TUSC3: variants seen among roughly 807,000 people sequenced by gnomAD.
The protein encoded by TUSC3 is tumor suppressor candidate 3.
Under a neutral mutation model 44.8 loss-of-function variants are expected in TUSC3, and 45 were observed. That is an observed-to-expected ratio of 1.00 (90% CI 0.79 to 1.29). TUSC3 has a LOEUF of 1.29. TUSC3 is among the 50% of genes most tolerant of loss of function. The pLI is 0.00. For synonymous variants in TUSC3, 212 were observed against 152.9 expected, an observed-to-expected ratio of 1.39 and a Z score of -2.85; for missense variants, 519 against 437.9, an observed-to-expected ratio of 1.19 and a Z score of -1.65.
chr8:15,655,854 TC>T (rs1199123761), intron 3 of TUSC3, among the ~76,000 whole-genome samples: 1 of 152,114 alleles, frequency 6.6e-6, no homozygotes, highest in Non-Finnish European at 1.5e-5. Flanking sequence ...CCTTCCTTCT[TC>T]CCCAAACCAC....
At chr8:15,722,214 A>G (rs1243064432) in intron 6 of TUSC3, among the ~76,000 whole-genome samples, 1 of 150,080 alleles carries the variant, frequency 6.7e-6, no homozygotes, top group Non-Finnish European at 1.5e-5. Context: ...TAGTCTGCTT[A>G]GGGTTTCCTT....
the TUSC3 span, among the ~76,000 whole-genome samples, chr8:15,808,515 C>T: frequency 1.5e-4 from 23 of 152,152 alleles, no homozygotes; most frequent in East Asian, 1.5e-3. Context: ...ATTCTGCTTC[C>T]AGCCTTTTAA....
chr8:15,702,526 T>G (rs963637479), intron 6 of TUSC3, among the ~76,000 whole-genome samples: 2 of 152,102 alleles, frequency 1.3e-5, no homozygotes, highest in African/African-American at 4.8e-5. Context: ...AGGTGGGTGT[T>G]CACACTGTAC....
At chr8:15,558,310 T>C (rs1802336500) in intron 1 of TUSC3, among the ~76,000 whole-genome samples, 1 of 46,312 alleles carries the variant, frequency 2.2e-5, no homozygotes, top group African/African-American at 4.8e-5. Context: ...ATTACATTTA[T>C]TGATTTGCGT....
chr8:15,729,340 A>C (rs1375191769), intron 6 of TUSC3, among the ~76,000 whole-genome samples: 1 of 152,174 alleles, frequency 6.6e-6, no homozygotes, highest in African/African-American at 2.4e-5. Flanking sequence ...ATACCTATAC[A>C]AACAGTCCTA....
chr8:15,632,355 G>A (rs562765334), intron 2 of TUSC3, among the ~76,000 whole-genome samples: 23 of 152,230 alleles, frequency 1.5e-4, no homozygotes, highest in Non-Finnish European at 3.2e-4. Context: ...ATATTCAAGG[G>A]AAGAGTACTA....
chr8:15,448,077 C>A (rs1299664424), intron 1 of TUSC3, among the ~76,000 whole-genome samples: 7 of 61,588 alleles, frequency 1.1e-4, no homozygotes, highest in Non-Finnish European at 2.3e-4. Context: ...CCTGTCAGGG[C>A]AGAAAATTCA....
At chr8:15,442,561 G>A (rs868782945) in intron 1 of TUSC3, among the ~76,000 whole-genome samples, 13 of 152,030 alleles carry the variant, frequency 8.6e-5, no homozygotes, top group African/African-American at 2.9e-4. Flanking sequence ...TGGTACAGGA[G>A]GAACATGCAC....
At chr8:15,787,691 C>CA in the TUSC3 span, among the ~76,000 whole-genome samples, 1 of 152,138 alleles carries the variant, frequency 6.6e-6, no homozygotes, top group Admixed American at 6.5e-5. Context: ...TAATATGCAA[C>CA]AAAAATCAAT....
intron 1 of TUSC3, among the ~76,000 whole-genome samples, chr8:15,616,828 C>T (rs1004930436): frequency 2.6e-5 from 4 of 152,022 alleles, no homozygotes; most frequent in East Asian, 3.9e-4. Flanking sequence ...ATCCAGATGT[C>T]GATTTCCAAG....
chr8:15,725,622 T>TGATGATGATGAC (rs1810468488), intron 6 of TUSC3, among the ~76,000 whole-genome samples: 2 of 152,206 alleles, frequency 1.3e-5, no homozygotes, highest in Admixed American at 6.5e-5. Context: ...ATGATGATGA[T>TGATGATGATGAC]GATGACGGTA....
chr8:15,466,502 CT>C (rs1238680280), intron 1 of TUSC3, among the ~76,000 whole-genome samples: 1 of 152,046 alleles, frequency 6.6e-6, no homozygotes, highest in Non-Finnish European at 1.5e-5. Context: ...TAGTTCTTAG[CT>C]TATTTTTAAA....
chr8:15,451,357 A>C (rs1015076083), intron 1 of TUSC3, among the ~76,000 whole-genome samples: 15 of 152,110 alleles, frequency 9.9e-5, no homozygotes, highest in African/African-American at 3.1e-4. Context: ...TCAACCAAGC[A>C]ATTAGAGAGT....
At chr8:15,494,918 C>T (rs1168604245) in intron 2 of TUSC3, among the ~76,000 whole-genome samples, 4 of 144,562 alleles carry the variant, frequency 2.8e-5, no homozygotes, top group African/African-American at 4.9e-5. Flanking sequence ...CTACCTGGGG[C>T]CATTTTTAAA....
chr8:15,477,752 A>G (rs1211420944), intron 1 of TUSC3, among the ~76,000 whole-genome samples: 1 of 152,040 alleles, frequency 6.6e-6, no homozygotes, highest in East Asian at 1.9e-4. Flanking sequence ...ATAGTGAGAA[A>G]TATATTTGTG....
intron 1 of TUSC3, among the ~76,000 whole-genome samples, chr8:15,564,881 A>C (rs1293853254): frequency 6.6e-6 from 1 of 152,042 alleles, no homozygotes; most frequent in East Asian, 1.9e-4. Flanking sequence ...TGTGTCCCTG[A>C]GATTTGGAAG....
intron 1 of TUSC3, among the ~76,000 whole-genome samples, chr8:15,579,116 A>G (rs1185767450): frequency 1.3e-5 from 2 of 152,040 alleles, no homozygotes; most frequent in African/African-American, 2.4e-5. Context: ...AGGTGTTTGT[A>G]GTATTCTCTG....
chr8:15,692,371 C>CCCCTCTT (rs1563175839), intron 6 of TUSC3, among the ~76,000 whole-genome samples: 1 of 18,822 alleles, frequency 5.3e-5, no homozygotes, highest in South Asian at 3.6e-3. Flanking sequence ...CCCCCCCCCC[C>CCCCTCTT]TTTGTTTTTT....
intron 2 of TUSC3, among the ~76,000 whole-genome samples, chr8:15,509,083 C>T (rs1309596293): frequency 6.6e-6 from 1 of 152,050 alleles, no homozygotes; most frequent in African/African-American, 2.4e-5. Flanking sequence ...AGAGAAGAAG[C>T]TGAGGGGGAG....
Sources: allele counts gnomAD v4.1 joint callset (sites outside exome capture counted in the v4.1 genomes callset), GRCh38; gene constraint gnomAD v4.1.1; transcripts MANE v1.5; gene names NCBI Gene and HGNC (gene_info 2026-07-23, HGNC 2026-07-21).